COG6: variants seen among roughly 807,000 people sequenced by gnomAD.
COG6 encodes conserved oligomeric Golgi complex subunit 6.
COG6 carries 74 observed loss-of-function variants against 88.8 expected under a neutral mutation model. The ratio of observed to expected loss-of-function variants is 0.83; its 90% CI spans 0.69 to 1.01. COG6 has a LOEUF of 1.01. COG6 is among the 50% of genes least tolerant of loss of function. The probability of loss-of-function intolerance (pLI) is 0.00; values close to 1 mark genes in which losing one functional copy is unlikely to be tolerated. For synonymous variants in COG6, 286 were observed against 278.7 expected, an observed-to-expected ratio of 1.03 and a Z score of -0.26; for missense variants, 800 against 797.9, an observed-to-expected ratio of 1.00 and a Z score of -0.03.
chr13:39,749,796 G>T (rs1880526719), intron 18 of COG6, among the ~76,000 whole-genome samples: 2 of 152,320 alleles, frequency 1.3e-5, no homozygotes, highest in South Asian at 4.1e-4. Flanking sequence ...GATAGGGAAA[G>T]TGTTAGATAA....
intron 13 of COG6, among the ~76,000 whole-genome samples, chr13:39,716,801 A>G (rs1429581480): frequency 6.6e-6 from 1 of 152,192 alleles, no homozygotes; most frequent in Non-Finnish European, 1.5e-5. Context: ...GCCGTTATTA[A>G]TACAGTTAAA....
At chr13:39,712,107 G>A (rs1020978420) in intron 13 of COG6, among the ~76,000 whole-genome samples, 5 of 152,132 alleles carry the variant, frequency 3.3e-5, no homozygotes, top group East Asian at 3.9e-4. Flanking sequence ...CGATCTGCCC[G>A]CCTCGGCCTC....
At position 39,785,021 on chromosome 13, in the gene COG6, T is replaced by C. The variant is rs1183376653; in HGVS notation, c.1827-3314T>C. Among the ~76,000 whole-genome samples, 10 of 152,316 alleles carry C rather than the reference T, an allele frequency of 6.6e-5. No individual in the cohort carries two copies. The East Asian group carries it at 1.9e-3, about 29-fold the overall frequency. On this transcript the variant is annotated intron_variant, in intron 18 of 18. Transcript: ENST00000416691. ...ATTGGAGTGAAGGCCCAGTCTCAGG[T>C]CCTTGGCCTTGATCATGGCCAACCG...
At chr13:39,667,097 G>C (rs1179276275) in intron 4 of COG6, among the ~76,000 whole-genome samples, 1 of 151,916 alleles carries the variant, frequency 6.6e-6, no homozygotes, top group East Asian at 1.9e-4. Flanking sequence ...TAATATATTA[G>C]GATTCCATGT....
In COG6 at chr13:39,752,233, ATAAC is replaced by A. The variant is rs1304843489; in HGVS notation, c.*1143_*1146del. ...AGAAAATTGAAGCACAAGGAAAAAA[ATAAC>A]TAGTTTGAAATATTTTGAAAAGTAA... is the stretch of plus-strand genomic sequence containing the variant. On this transcript the variant is annotated 3_prime_UTR_variant, in exon 19 of 19. Coordinates refer to ENST00000455146, the MANE Select transcript of COG6 (RefSeq NM_020751.3). 275 of 1,047,782 alleles carry A rather than the reference ATAAC, an allele frequency of 2.6e-4. 1 individual carries two copies. The African/African-American group carries it at 4.4e-3, about 17-fold the overall frequency. 64.9% of individuals were successfully genotyped at this position (1,047,782 alleles called of 1,614,324 possible).
At chr13:39,755,712 CAGAAGCAAAGTT>C (rs1351502018), downstream of COG6, among the ~76,000 whole-genome samples, 1 of 152,046 alleles carries the variant, frequency 6.6e-6, no homozygotes, top group Non-Finnish European at 1.5e-5. Context: ...GGAATGAAGG[CAGAAGCAAAGTT>C]AGAAGCTGCC....
chr13:39,709,668 A>ATG (rs1047142648), intron 13 of COG6, among the ~76,000 whole-genome samples: 1 of 151,942 alleles, frequency 6.6e-6, no homozygotes, highest in African/African-American at 2.4e-5. Flanking sequence ...GTGTATATAT[A>ATG]TGTGTGTGTG....
intron 18 of COG6, among the ~76,000 whole-genome samples, chr13:39,769,662 C>G (rs888576166): frequency 2.6e-5 from 4 of 152,120 alleles, no homozygotes; most frequent in Admixed American, 1.3e-4. Flanking sequence ...CTGCTATAGT[C>G]TGAAAGTTTC....
chr13:39,741,978 C>G (rs1009503132), intron 18 of COG6, among the ~76,000 whole-genome samples: 3 of 152,124 alleles, frequency 2.0e-5, no homozygotes, highest in South Asian at 2.1e-4. Context: ...AATTTTCAAC[C>G]TAGAATTTCA....
chr13:39,724,329 A>G (rs575162316), intron 16 of COG6, among the ~76,000 whole-genome samples, 179 bp from the exon 17 acceptor site: 11 of 152,000 alleles, frequency 7.2e-5, no homozygotes, highest in African/African-American at 2.4e-4. Context: ...CTCTCCAACA[A>G]ATCATAGTCC....
At position 39,752,094 on chromosome 13, in the gene COG6, CTG is replaced by C. The variant is rs1189194477; in HGVS notation, c.*1003_*1004del. 3.1e-6 allele frequency: 4 copies of C among 1,282,874 alleles called. No homozygotes were observed. In the African/African-American group the frequency reaches 4.6e-5, roughly 15 times the overall value. 79.5% of individuals were successfully genotyped at this position (1,282,874 alleles called of 1,614,324 possible). A position where few individuals can be genotyped will look rare whatever the true frequency, so the allele number is the denominator to read the frequency against. ...TACCTATTAGGAAGATTAAAAATGA[CTG>C]TATTTTTAAAGGAATAAATCCCAGT... On this transcript the variant is annotated 3_prime_UTR_variant, in exon 19 of 19. Coordinates refer to ENST00000455146, the MANE Select transcript of COG6 (RefSeq NM_020751.3).
At chr13:39,719,581 G>A in intron 14 of COG6, 79 bp from the exon 15 acceptor site, 1 of 1,391,092 alleles carries the variant, frequency 7.2e-7, no homozygotes, top group Non-Finnish European at 1.0e-6. Context: ...CTTCCAATTA[G>A]TTTGGCATTA....
At chr13:39,673,069 T>A (rs375633414) in intron 4 of COG6, among the ~76,000 whole-genome samples, 22 of 152,234 alleles carry the variant, frequency 1.4e-4, no homozygotes, top group African/African-American at 4.1e-4. Flanking sequence ...ACCCATTTTT[T>A]AATTTAGGTT....
intron 18 of COG6, among the ~76,000 whole-genome samples, chr13:39,775,124 G>A (rs1476154960): frequency 6.6e-6 from 1 of 152,166 alleles, no homozygotes; most frequent in Non-Finnish European, 1.5e-5. Context: ...TCATGGGTGG[G>A]TGTGTCTGCT....
chr13:39,686,528 G>GT (rs1876648695), intron 8 of COG6, among the ~76,000 whole-genome samples: 2 of 152,038 alleles, frequency 1.3e-5, no homozygotes, highest in South Asian at 4.1e-4. Flanking sequence ...CTTAATACAT[G>GT]TTTTTTAAAA....
chr13:39,727,277 A>G (rs1312743901), intron 17 of COG6, among the ~76,000 whole-genome samples, 192 bp from the exon 18 acceptor site: 1 of 151,986 alleles, frequency 6.6e-6, no homozygotes, highest in African/African-American at 2.4e-5. Flanking sequence ...TATTGACTAT[A>G]TTACAGATTT....
intron 12 of COG6, among the ~76,000 whole-genome samples, chr13:39,695,476 A>G (rs554222108): frequency 3.9e-5 from 6 of 151,992 alleles, no homozygotes; most frequent in East Asian, 3.9e-4. Context: ...GTATTTTTCC[A>G]TTAAATAATT....
chr13:39,677,516 G>T lies in COG6; in HGVS notation c.477G>T (p.Lys159Asn), dbSNP rs1181491333. 1 of 1,613,542 alleles carries T rather than the reference G, an allele frequency of 6.2e-7. No homozygotes were observed. The change falls in exon 5 of 19, where the codon AAG (lysine) becomes AAT (asparagine). Residue 159 changes from lysine to asparagine, a missense_variant. Transcript: ENST00000455146. The part of the protein sequence containing the change: ...RAQVADAFLS[K>N]FQLTSDEMSL... ...AAGTTGCAGATGCCTTCTTATCCAA[G>T]TTCCAACTGACTTCTGATGAAATGA...
chr13:39,728,274 T>C (rs1879245502), intron 18 of COG6, among the ~76,000 whole-genome samples: 2 of 152,158 alleles, frequency 1.3e-5, no homozygotes, highest in Non-Finnish European at 1.5e-5. Context: ...AATATTTACA[T>C]TGAAATGTAC....
Sources: gnomAD v4.1 joint callset for allele counts (sites outside exome capture counted in the v4.1 genomes callset) on GRCh38, gnomAD v4.1.1 for gene constraint, MANE v1.5 for transcripts, NCBI Gene and HGNC (gene_info 2026-07-23, HGNC 2026-07-21) for gene names.